ME2: variants seen among roughly 807,000 people sequenced by gnomAD.
ME2 encodes NAD-dependent malic enzyme, mitochondrial.
In ME2, 60 loss-of-function variants were observed where a neutral mutation model predicts 73.7. That is an observed-to-expected ratio of 0.81 (90% confidence interval 0.66 to 1.01). The LOEUF (loss-of-function observed/expected upper bound fraction) is 1.01, where lower values mean the gene tolerates loss of function less well. Ranked by LOEUF, ME2 falls within the 50% of genes least tolerant of loss-of-function variation. The probability of loss-of-function intolerance (pLI) is 0.00; values close to 1 mark genes in which losing one functional copy is unlikely to be tolerated. For synonymous variants in ME2, 199 were observed against 236.9 expected (o/e 0.84, Z 1.47); for missense variants, 594 against 705.5 (o/e 0.84, Z 1.79).
intron 3 of ME2, among the ~76,000 whole-genome samples, chr18:50,910,295 C>G (rs1476648900): frequency 7.4e-6 from 1 of 135,602 alleles, no homozygotes; most frequent in Non-Finnish European, 1.5e-5. Context: ...AAAAAAAAGC[C>G]AGGCATGGTG....
intron 13 of ME2, chr18:50,934,208 C>G (rs1336004448): frequency 2.2e-4 from 33 of 152,070 alleles, no homozygotes; most frequent in Admixed American, 2.2e-3. Flanking sequence ...AATAGGATTG[C>G]TGGGTCGAAT....
chr18:50,926,679 C>T (rs1226562985), intron 12 of ME2, among the ~76,000 whole-genome samples: 1 of 152,068 alleles, frequency 6.6e-6, no homozygotes, highest in East Asian at 1.9e-4. Context: ...ACACTGTTTT[C>T]TATATTTACT....
At position 50,897,685 on chromosome 18, in the gene ME2, A is replaced by G. The variant is rs539436615; in HGVS notation, c.108+1757A>G. On this transcript the variant is annotated intron_variant, in intron 2 of 15. Transcript: ENST00000321341. ...AGACCAGCCTGACCAACACGGAGAA[A>G]CCCCATCTCTACTAAAAATACATAA... Among the ~76,000 whole-genome samples the G allele has an allele frequency of 1.2e-4, 18 of 152,150 alleles. No individual in the cohort carries two copies. The South Asian group carries it at 3.3e-3, about 28-fold the overall frequency.
chr18:50,925,972 C>T (rs971926559), intron 12 of ME2, 74 bp downstream of exon 12: 1 of 1,076,016 alleles, frequency 9.3e-7, no homozygotes, highest in Non-Finnish European at 1.4e-6. Flanking sequence ...ATTCTTACAC[C>T]ATTGTTCTAA....
chr18:50,920,578 A>G lies in ME2; in HGVS notation c.844+13A>G. ...GATGATATTCAAGGTAAAGCAAAAA[A>G]ACTTCAGGGTTTTGATTCCTACTTT... On this transcript the variant is annotated intron_variant, in intron 8 of 15. Coordinates refer to ENST00000321341, the MANE Select transcript of ME2 (RefSeq NM_002396.5). The G allele has an allele frequency of 6.4e-7, 1 of 1,573,512 alleles. No homozygotes were observed. Among genetic ancestry groups the G allele is most frequent in the Non-Finnish European group, 8.6e-7 (1 of 1,163,944 alleles).
chr18:50,952,930 CA>C lies in ME2; in HGVS notation c.*5747del, dbSNP rs1490988229. ...TCTGTGCCTGATTTACAGACAGAGA[CA>C]GAGGCACAGAGAGGTTAAATGACTT... On this transcript the variant is annotated 3_prime_UTR_variant, in exon 16 of 16. Transcript: ENST00000321341. The C allele has an allele frequency of 6.6e-6, 1 of 152,108 alleles. No homozygotes were observed. The highest frequency in any genetic ancestry group is 6.6e-5 in the Admixed American group (1 of 15,266). 9.4% of individuals were successfully genotyped at this position (152,108 alleles called of 1,614,324 possible). A position where few individuals can be genotyped will look rare whatever the true frequency, so the allele number is the denominator to read the frequency against.
At position 50,949,554 on chromosome 18, in the gene ME2, A is replaced by C. The variant is rs1314790179; in HGVS notation, c.*2370A>C. ...TCAAAACAAAATCACGCCTAAACAT[A>C]CTCTCTGTGTGAAATCTTGATTTTA... On this transcript the variant is annotated 3_prime_UTR_variant, in exon 16 of 16. Coordinates refer to ENST00000321341, the MANE Select transcript of ME2 (RefSeq NM_002396.5). 2 of 152,104 alleles carry C rather than the reference A, an allele frequency of 1.3e-5. No individual in the cohort carries two copies. Among genetic ancestry groups the C allele is most frequent in the African/African-American group, 4.8e-5 (2 of 41,416 alleles). 9.4% of individuals were successfully genotyped at this position (152,104 alleles called of 1,614,324 possible).
At chr18:50,940,203 C>T (rs1387760461) in intron 14 of ME2, 85 bp from the exon 15 acceptor site, 5 of 874,454 alleles carry the variant, frequency 5.7e-6, no homozygotes, top group Admixed American at 2.3e-5. Flanking sequence ...GTTTTACTCT[C>T]TGTTTCCCCA....
Position 50,925,876 on chromosome 18 carries a change from A to C in ME2, c.1292A>C (p.Glu431Ala). Residue 431 changes from glutamate to alanine, a missense_variant, in exon 12 of 16, where the codon GAA (glutamate) becomes GCA (alanine). Physicochemically the swap from Glu to Ala is moderately radical, Grantham distance 107. Transcript: ENST00000321341. ...NPTAQAECTA[E>A]EAYTLTEGRC... ...ACAGCACAGGCAGAGTGCACGGCTGAAGAAGCATATACACTTACAGAGGTA... is the reference window on the plus strand; with the variant it reads ...ACAGCACAGGCAGAGTGCACGGCTGCAGAAGCATATACACTTACAGAGGTA... The C allele has an allele frequency of 6.2e-7, 1 of 1,609,858 alleles. No homozygotes were observed. The highest frequency in any genetic ancestry group is 8.5e-7 in the Non-Finnish European group (1 of 1,176,164).
chr18:50,929,404 G>C (rs1917639037), intron 12 of ME2, among the ~76,000 whole-genome samples: 1 of 150,176 alleles, frequency 6.7e-6, no homozygotes, highest in Non-Finnish European at 1.5e-5. Context: ...CTGGAGAATA[G>C]TCTGAACCCA....
At chr18:50,917,318 C>G in intron 5 of ME2, 29 bp from the exon 6 acceptor site, 1 of 1,580,406 alleles carries the variant, frequency 6.3e-7, no homozygotes, top group Non-Finnish European at 8.6e-7. Context: ...TTTTTGACAA[C>G]TTTTAATTTG....
At chr18:50,943,616 T>G (rs1332350922) in intron 15 of ME2, among the ~76,000 whole-genome samples, 2 of 152,042 alleles carry the variant, frequency 1.3e-5, no homozygotes, top group Non-Finnish European at 2.9e-5. Context: ...GACTATTAAT[T>G]TTATTATTAC....
chr18:50,898,675 C>T (rs1189556415), intron 2 of ME2, among the ~76,000 whole-genome samples: 11 of 152,070 alleles, frequency 7.2e-5, no homozygotes, highest in African/African-American at 2.4e-4. Flanking sequence ...TCAGGTGATC[C>T]GCCTGCCTTG....
chr18:50,904,995 A>G (rs1916985891), intron 2 of ME2, among the ~76,000 whole-genome samples: 1 of 151,326 alleles, frequency 6.6e-6, no homozygotes, highest in Non-Finnish European at 1.5e-5. Context: ...GATTCTGTTC[A>G]TCTTTTTTTT....
Position 50,949,820 on chromosome 18 carries a change from CCAGT to C in ME2, c.*2639_*2642del, listed in dbSNP as rs1348674612. 3 of 152,060 alleles carry C rather than the reference CCAGT, an allele frequency of 2.0e-5. No homozygotes were observed. Among genetic ancestry groups the C allele is most frequent in the African/African-American group, 7.2e-5 (3 of 41,468 alleles). 9.4% of individuals were successfully genotyped at this position (152,060 alleles called of 1,614,324 possible). ...AGCTCCCAATTGTCATTGTTATTTA[CCAGT>C]CAATCTTTCAACAAGTATCAATTAT... On this transcript the variant is annotated 3_prime_UTR_variant, in exon 16 of 16. Coordinates refer to ENST00000321341, the MANE Select transcript of ME2 (RefSeq NM_002396.5).
At chr18:50,920,376 C>A in intron 7 of ME2, 80 bp from the exon 8 acceptor site, 2 of 961,960 alleles carry the variant, frequency 2.1e-6, no homozygotes, top group Non-Finnish European at 3.2e-6. Flanking sequence ...TTTTTGAATG[C>A]TATCATAGGG....
At chr18:50,946,989 C>T (rs1446396690) in intron 15 of ME2, 28 bp from the exon 16 acceptor site, 3 of 1,563,398 alleles carry the variant, frequency 1.9e-6, no homozygotes, top group East Asian at 4.5e-5. Flanking sequence ...TACTCAGAGC[C>T]TACACAATAA....
intron 14 of ME2, 43 bp from the exon 15 acceptor site, chr18:50,940,245 G>T (rs1251644335): frequency 7.5e-7 from 1 of 1,336,992 alleles, no homozygotes; most frequent in Non-Finnish European, 1.1e-6. Context: ...TCCTTATTCT[G>T]TTATTTAAAC....
chr18:50,899,092 G>A (rs142055504), intron 2 of ME2, among the ~76,000 whole-genome samples: 185 of 152,164 alleles, frequency 1.2e-3, no homozygotes, highest in African/African-American at 4.1e-3. Flanking sequence ...TTGCATTACC[G>A]CCTGTGCTCT....
Sources: allele counts gnomAD v4.1 joint callset (sites outside exome capture counted in the v4.1 genomes callset), GRCh38; gene constraint gnomAD v4.1.1; transcripts MANE v1.5; gene names NCBI Gene and HGNC (gene_info 2026-07-23, HGNC 2026-07-21).